Variants in JDP2 observed in about 807,000 individuals in gnomAD.
JDP2 encodes the protein Jun dimerization protein 2.
In JDP2, 9 loss-of-function variants were observed where a neutral mutation model predicts 17.1. The observed-to-expected ratio is 0.53, with a 90% confidence interval of 0.32 to 0.92. The LOEUF is 0.92. JDP2 is among the 40% of genes least tolerant of loss of function. The pLI is 0.04. For synonymous variants in JDP2, 107 were observed against 95.6 expected, an observed-to-expected ratio of 1.12 and a Z score of -0.69; for missense variants, 179 against 220.0, an observed-to-expected ratio of 0.81 and a Z score of 1.18.
chr14:75,427,702 AC>A (rs1314634024), upstream of JDP2: 2 of 151,972 alleles, frequency 1.3e-5, no homozygotes, highest in Admixed American at 6.6e-5. The surrounding 1 kb of genome is among the most constrained non-coding windows in gnomAD (Gnocchi z 4.4). Context: ...CGCTTACATA[AC>A]CGCTCGCCGC....
intron 1 of JDP2, among the ~76,000 whole-genome samples, chr14:75,433,544 G>C (rs1033250376): frequency 7.8e-6 from 1 of 127,746 alleles, no homozygotes; most frequent in Middle Eastern, 4.0e-3. Context: ...ACAGCTCTCA[G>C]ACCTTTTTTT....
chr14:75,445,484 C>G, intron 2 of JDP2: 1 of 985,414 alleles, frequency 1.0e-6, no homozygotes. Flanking sequence ...CCTACCAACT[C>G]CCCAGTCCCC....
At chr14:75,464,593 T>A (rs1886491548) in intron 3 of JDP2, among the ~76,000 whole-genome samples, 1 of 152,220 alleles carries the variant, frequency 6.6e-6, no homozygotes, top group South Asian at 2.1e-4. Context: ...GATTTTGGTA[T>A]CCTCGGGGAG....
intron 2 of JDP2, among the ~76,000 whole-genome samples, chr14:75,455,031 T>A (rs1886039691): frequency 6.6e-6 from 1 of 152,110 alleles, no homozygotes; most frequent in South Asian, 2.1e-4. Context: ...GGATGGAGAA[T>A]GTGGTGGACA....
chr14:75,460,166 T>C (rs1886291814), intron 2 of JDP2, among the ~76,000 whole-genome samples: 1 of 152,348 alleles, frequency 6.6e-6, no homozygotes, highest in East Asian at 1.9e-4. Context: ...TCTGTGCTAG[T>C]GGGCAGTGAG....
chr14:75,448,058 A>C (rs1885686554), intron 2 of JDP2, among the ~76,000 whole-genome samples: 1 of 152,244 alleles, frequency 6.6e-6, no homozygotes, highest in African/African-American at 2.4e-5. Flanking sequence ...ATACGAGATT[A>C]TCAGAAACCT....
At position 75,457,511 on chromosome 14, in the gene JDP2, G is replaced by A. The variant is rs541342564; in HGVS notation, c.202-3915G>A. On this transcript the variant is annotated intron_variant, in intron 2 of 3. Transcript: ENST00000651602. ...CTGGGCAGCTCTTAAATAGCAGTGC[G>A]AGGATTTAGGGGTGATGCAGCACAG... Among the ~76,000 whole-genome samples the A allele has an allele frequency of 5.9e-5, 9 of 152,384 alleles. No homozygotes were observed. In the South Asian group the frequency reaches 8.3e-4, roughly 14 times the overall value.
At chr14:75,444,380 G>A (rs4903321) in intron 2 of JDP2, among the ~76,000 whole-genome samples, 66,723 of 151,702 alleles carry the variant, frequency 0.44, 14,743 homozygotes, top group East Asian at 0.64. Flanking sequence ...TGACCTGAGG[G>A]TATTTTGTCC....
chr14:75,459,064 G>A (rs1312132128), intron 2 of JDP2, among the ~76,000 whole-genome samples: 2 of 152,248 alleles, frequency 1.3e-5, no homozygotes, highest in Admixed American at 6.5e-5. Context: ...ATAAGGCCCT[G>A]TGCAGGATGG....
In JDP2 at chr14:75,428,908, T is replaced by C. The variant is rs1195808407; in HGVS notation, c.-24+656T>C. ...GGGCTCTCCTGTCTCCCACGCCAGG[T>C]TATATAAGGAGGCAAGCAGGCTCCT... is the stretch of plus-strand genomic sequence containing the variant. On this transcript the variant is annotated intron_variant, in intron 1 of 3. Transcript: ENST00000651602. This position sits in a 1 kb window ranked among gnomAD's most constrained non-coding sequence, Gnocchi z 5.6. 6.6e-6 allele frequency among the ~76,000 whole-genome samples: 1 copy of C among 151,744 alleles called. No homozygotes were observed. The highest frequency in any genetic ancestry group is 2.4e-5 in the African/African-American group (1 of 41,284).
At chr14:75,435,823 G>A (rs1451110556) in intron 1 of JDP2, among the ~76,000 whole-genome samples, 1 of 152,176 alleles carries the variant, frequency 6.6e-6, no homozygotes. Context: ...AGTGCTAAGA[G>A]GACCGGGTAT....
At chr14:75,433,000 G>A (rs1033592830) in intron 1 of JDP2, among the ~76,000 whole-genome samples, 11 of 151,658 alleles carry the variant, frequency 7.3e-5, no homozygotes, top group Middle Eastern at 3.4e-3. Flanking sequence ...TTGGGAGTTC[G>A]AGACCAGCCT....
At chr14:75,459,071 A>G (rs1886233765) in intron 2 of JDP2, among the ~76,000 whole-genome samples, 1 of 152,120 alleles carries the variant, frequency 6.6e-6, no homozygotes, top group South Asian at 2.1e-4. Flanking sequence ...CCTGTGCAGG[A>G]TGGGGGTAGG....
chr14:75,442,789 A>G (rs1202386726), intron 2 of JDP2, among the ~76,000 whole-genome samples: 1 of 152,176 alleles, frequency 6.6e-6, no homozygotes, highest in Non-Finnish European at 1.5e-5. Context: ...AGTCCTGGGA[A>G]GCTGTATAGC....
rs990494534 is a variant in JDP2 at position 75,430,865 on chromosome 14, G to A, written c.-24+2613G>A. On this transcript the variant is annotated intron_variant, in intron 1 of 3. Transcript: ENST00000651602. This position sits in a 1 kb window ranked among gnomAD's most constrained non-coding sequence, Gnocchi z 4.5. Reference sequence around the variant, plus strand: ...ACTCAGCAGAGACAAATGCCTTAGCGACCCAGTCTTGGAATTTTCAGACTG... The same window carrying A: ...ACTCAGCAGAGACAAATGCCTTAGCAACCCAGTCTTGGAATTTTCAGACTG... 1.3e-5 allele frequency among the ~76,000 whole-genome samples: 2 copies of A among 152,192 alleles called. No homozygotes were observed. Among genetic ancestry groups the A allele is most frequent in the African/African-American group, 4.8e-5 (2 of 41,446 alleles).
intron 2 of JDP2, among the ~76,000 whole-genome samples, chr14:75,446,850 T>G (rs544110474): frequency 7.9e-5 from 12 of 152,252 alleles, no homozygotes; most frequent in South Asian, 4.1e-4. Context: ...AAATGGAGAA[T>G]AATAATATCT....
intron 3 of JDP2, among the ~76,000 whole-genome samples, 183 bp from the exon 4 acceptor site, chr14:75,469,107 G>A (rs553724399): frequency 1.3e-5 from 2 of 152,354 alleles, no homozygotes; most frequent in South Asian, 2.1e-4. Flanking sequence ...CAGTGTCACC[G>A]CTGTGGCAGG....
At chr14:75,458,580 CA>C (rs1886216645) in intron 2 of JDP2, among the ~76,000 whole-genome samples, 1 of 152,156 alleles carries the variant, frequency 6.6e-6, no homozygotes, top group Admixed American at 6.5e-5. Context: ...ATTGAGCATT[CA>C]GGTTGATTCT....
intron 1 of JDP2, among the ~76,000 whole-genome samples, chr14:75,433,013 C>G (rs1695942084): frequency 6.6e-6 from 1 of 151,492 alleles, no homozygotes; most frequent in African/African-American, 2.4e-5. Flanking sequence ...ACCAGCCTGA[C>G]CAACATGGAG....
Sources: allele counts gnomAD v4.1 joint callset (sites outside exome capture counted in the v4.1 genomes callset), GRCh38; gene constraint gnomAD v4.1.1; non-coding constraint Gnocchi (gnomAD v3.1); transcripts MANE v1.5; gene names NCBI Gene and HGNC (gene_info 2026-07-23, HGNC 2026-07-21).